Variants in KDM4C observed in about 807,000 individuals in gnomAD.
KDM4C encodes lysine-specific demethylase 4C.
KDM4C carries 81 observed loss-of-function variants against 129.3 expected under a neutral mutation model. The observed-to-expected ratio is 0.63, with a 90% CI of 0.52 to 0.75. The LOEUF is 0.75. Ranked by LOEUF, KDM4C falls within the 30% of genes least tolerant of loss-of-function variation. The pLI, the probability that KDM4C is intolerant of heterozygous loss-of-function variation, is 0.00. For missense variants in KDM4C, 1,457 were observed against 1,304.0 expected, an observed-to-expected ratio of 1.12 and a Z score of -1.81; for synonymous variants, 573 against 456.1, an observed-to-expected ratio of 1.26 and a Z score of -3.26.
At chr9:6,948,687 T>C (rs1827452125) in intron 8 of KDM4C, among the ~76,000 whole-genome samples, 1 of 151,832 alleles carries the variant, frequency 6.6e-6, no homozygotes, top group South Asian at 2.1e-4. Flanking sequence ...GTGATGACTC[T>C]TAACGAGCAT....
chr9:6,963,273 TTAA>T (rs1452846494), intron 8 of KDM4C, among the ~76,000 whole-genome samples: 3 of 152,234 alleles, frequency 2.0e-5, no homozygotes, highest in African/African-American at 7.2e-5. Flanking sequence ...TTTAGTAGTA[TTAA>T]TAATTGTTGG....
chr9:6,961,934 C>G (rs1830120710), intron 8 of KDM4C, among the ~76,000 whole-genome samples: 1 of 152,090 alleles, frequency 6.6e-6, no homozygotes, highest in Non-Finnish European at 1.5e-5. Context: ...ATGTATAAAT[C>G]AAAGACTGTA....
chr9:7,087,541 A>G (rs1436639889), intron 17 of KDM4C, among the ~76,000 whole-genome samples: 3 of 152,184 alleles, frequency 2.0e-5, no homozygotes, highest in Non-Finnish European at 2.9e-5. Context: ...AATTTTTTAA[A>G]AAAATTAAAC....
chr9:7,009,106 A>G (rs570912415), intron 12 of KDM4C, among the ~76,000 whole-genome samples: 1 of 152,362 alleles, frequency 6.6e-6, no homozygotes, highest in South Asian at 2.1e-4. Flanking sequence ...AAGAAGCTCA[A>G]TGAGCTGCAA....
At chr9:6,996,589 T>C (rs1819789034) in intron 12 of KDM4C, among the ~76,000 whole-genome samples, 1 of 152,202 alleles carries the variant, frequency 6.6e-6, no homozygotes, top group African/African-American at 2.4e-5. Flanking sequence ...TCTAATGCAA[T>C]TGTAAACTAA....
At chr9:6,901,560 C>CT (rs937333356) in intron 8 of KDM4C, among the ~76,000 whole-genome samples, 6 of 152,198 alleles carry the variant, frequency 3.9e-5, no homozygotes, top group African/African-American at 1.4e-4. Flanking sequence ...CTAGGCTCAT[C>CT]TACCCCCATT....
At chr9:7,124,977 G>A (rs931663136) in intron 18 of KDM4C, among the ~76,000 whole-genome samples, 2 of 152,026 alleles carry the variant, frequency 1.3e-5, no homozygotes, top group Admixed American at 6.6e-5. Flanking sequence ...CTATACTGTC[G>A]CACTAAGCTC....
chr9:6,851,215 G>A (rs1163634182), intron 5 of KDM4C, among the ~76,000 whole-genome samples: 1 of 152,202 alleles, frequency 6.6e-6, no homozygotes, highest in Non-Finnish European at 1.5e-5. Flanking sequence ...CTGGGCTCAA[G>A]TGATCCTGCT....
upstream of KDM4C, among the ~76,000 whole-genome samples, chr9:6,755,755 T>C (rs1818229457): frequency 6.6e-6 from 1 of 152,198 alleles, no homozygotes; most frequent in Admixed American, 6.6e-5. Flanking sequence ...GTTTTCACGA[T>C]AATTCATAAT....
At position 6,893,175 on chromosome 9, in the gene KDM4C, A is replaced by G. The variant is rs779412901; in HGVS notation, c.864A>G (p.Ala288=). 1.9e-6 allele frequency: 3 copies of G among 1,611,872 alleles called. No individual in the cohort carries two copies. In the Admixed American group the frequency reaches 5.0e-5, roughly 27 times the overall value. The change falls in exon 8 of 22, where the codon GCA becomes GCG. Residue 288 remains alanine (A), a synonymous_variant. Transcript: ENST00000381309. ...HAGFNHGFNC[A]ESTNFATVRW... Reference sequence around the variant, plus strand: ...GTTTTAATCATGGTTTCAACTGTGCAGAATCTACAAATTTTGCTACTGTCA... The same window carrying G: ...GTTTTAATCATGGTTTCAACTGTGCGGAATCTACAAATTTTGCTACTGTCA...
chr9:7,148,101 A>G (rs889332468), intron 19 of KDM4C, among the ~76,000 whole-genome samples: 1 of 152,220 alleles, frequency 6.6e-6, no homozygotes, highest in African/African-American at 2.4e-5. Context: ...TGCCGGCTCC[A>G]TGTGAGGCTG....
intron 6 of KDM4C, among the ~76,000 whole-genome samples, chr9:6,885,099 A>G (rs1845055628): frequency 6.6e-6 from 1 of 152,190 alleles, no homozygotes; most frequent in Admixed American, 6.5e-5. Context: ...TAATTAATAA[A>G]CCACATGATA....
chr9:7,058,249 A>C (rs1472773833), intron 17 of KDM4C, among the ~76,000 whole-genome samples: 1 of 136,244 alleles, frequency 7.3e-6, no homozygotes. Flanking sequence ...GTGGTTCTCA[A>C]AATGTGATCA....
At chr9:6,783,008 G>A (rs1824698475) in intron 1 of KDM4C, among the ~76,000 whole-genome samples, 1 of 152,166 alleles carries the variant, frequency 6.6e-6, no homozygotes, top group African/African-American at 2.4e-5. Flanking sequence ...GTAAGAGAGG[G>A]TAGGCTTGGG....
upstream of KDM4C, among the ~76,000 whole-genome samples, chr9:6,757,249 T>G (rs1818364043): frequency 6.6e-6 from 1 of 152,120 alleles, no homozygotes. Flanking sequence ...GGCCAAACTG[T>G]TATCAACTCT....
intron 1 of KDM4C, among the ~76,000 whole-genome samples, chr9:6,778,547 A>G (rs1026815384): frequency 1.2e-4 from 18 of 149,360 alleles, no homozygotes; most frequent in Admixed American, 7.5e-4. Flanking sequence ...TGGGAGGATC[A>G]CCTAAGGTCA....
chr9:6,888,927 A>G lies in KDM4C; in HGVS notation c.783+864A>G, dbSNP rs1408376761. Among the ~76,000 whole-genome samples, 2 of 85,552 alleles carry G rather than the reference A, an allele frequency of 2.3e-5. 1 individual carries two copies. Among genetic ancestry groups the G allele is most frequent in the Non-Finnish European group, 4.6e-5 (2 of 43,528 alleles). 56.1% of individuals were successfully genotyped at this position (85,552 alleles called of 152,430 possible). ...CTCAGCCTCCCAAGTAGCTGGGACT[A>G]CAGGCGCCCGCCACTACGCCCGGCT... is the stretch of plus-strand genomic sequence containing the variant. On this transcript the variant is annotated intron_variant, in intron 7 of 21. Transcript: ENST00000381309.
At chr9:6,755,098 A>T (rs935169208), upstream of KDM4C, among the ~76,000 whole-genome samples, 6 of 152,012 alleles carry the variant, frequency 3.9e-5, no homozygotes, top group African/African-American at 1.4e-4. Flanking sequence ...TAGGCCGGGC[A>T]TGGTGGCTCA....
chr9:6,835,485 C>T (rs1835718205), intron 4 of KDM4C: 6 of 1,491,452 alleles, frequency 4.0e-6, no homozygotes, highest in Non-Finnish European at 5.6e-6. Context: ...GCGGCTCCAT[C>T]CTGGCCTCGC....
Sources: allele counts gnomAD v4.1 joint callset (sites outside exome capture counted in the v4.1 genomes callset), GRCh38; gene constraint gnomAD v4.1.1; transcripts MANE v1.5; gene names NCBI Gene and HGNC (gene_info 2026-07-23, HGNC 2026-07-21).